The following M1AP variants were observed in gnomAD, a reference collection of about 807,000 sequenced individuals.
M1AP encodes meiosis 1 arrest protein.
In M1AP, 39 loss-of-function variants were observed where a neutral mutation model predicts 51.2. The ratio of observed to expected loss-of-function variants is 0.76; its 90% CI spans 0.59 to 1.00. The LOEUF (loss-of-function observed/expected upper bound fraction) is 1.00, where lower values mean the gene tolerates loss of function less well. Ranked by LOEUF, M1AP falls within the 50% of genes least tolerant of loss-of-function variation. The pLI is 0.00. For missense variants in M1AP, 545 were observed against 641.2 expected (o/e 0.85, Z 1.62); for synonymous variants, 251 against 249.2 (o/e 1.01, Z -0.07).
chr2:74,565,423 A>C (rs1678311098), intron 7 of M1AP, among the ~76,000 whole-genome samples: 1 of 152,214 alleles, frequency 6.6e-6, no homozygotes, highest in Admixed American at 6.5e-5. Flanking sequence ...TACTGCAACA[A>C]AGTAGGATTT....
intron 7 of M1AP, among the ~76,000 whole-genome samples, chr2:74,567,578 A>G (rs1363751061): frequency 1.3e-5 from 2 of 152,252 alleles, no homozygotes. Context: ...GGGATAAAAT[A>G]AGTTAGTAGC....
chr2:74,647,845 G>C (rs968147483), intron 1 of M1AP: 5 of 194,120 alleles, frequency 2.6e-5, no homozygotes, highest in Non-Finnish European at 4.7e-5. Flanking sequence ...AGTGAGCCGA[G>C]ATCACGCCAT....
intron 2 of M1AP, among the ~76,000 whole-genome samples, chr2:74,622,669 A>G (rs1350814665): frequency 6.6e-6 from 1 of 150,880 alleles, no homozygotes; most frequent in African/African-American, 2.4e-5. Flanking sequence ...AGGAAGAGAG[A>G]GGGTAACTGA....
At chr2:74,614,524 ATT>A (rs1681551560) in intron 3 of M1AP, among the ~76,000 whole-genome samples, 1 of 152,206 alleles carries the variant, frequency 6.6e-6, no homozygotes, top group East Asian at 1.9e-4. Context: ...GCACTCTTGT[ATT>A]TGCACACTTG....
At chr2:74,592,993 C>G (rs1294988826) in intron 4 of M1AP, among the ~76,000 whole-genome samples, 1 of 152,144 alleles carries the variant, frequency 6.6e-6, no homozygotes, top group Non-Finnish European at 1.5e-5. Context: ...ACTGTACTAA[C>G]TAATGCTCTA....
intron 4 of M1AP, among the ~76,000 whole-genome samples, chr2:74,597,103 T>C (rs1396633854): frequency 1.3e-5 from 2 of 152,260 alleles, no homozygotes; most frequent in South Asian, 2.1e-4. Flanking sequence ...ACTTATGGTA[T>C]GTAAATTATT....
chr2:74,643,470 T>C (rs1683428187), intron 1 of M1AP, among the ~76,000 whole-genome samples: 1 of 151,632 alleles, frequency 6.6e-6, no homozygotes, highest in African/African-American at 2.4e-5. Flanking sequence ...GATAAAATTA[T>C]AAAGAAAAGC....
chr2:74,565,900 T>C (rs575204067), intron 7 of M1AP, among the ~76,000 whole-genome samples: 4 of 148,172 alleles, frequency 2.7e-5, no homozygotes, highest in African/African-American at 5.0e-5. Context: ...CCTTACATAA[T>C]AAAAATGCTC....
chr2:74,623,496 C>CT (rs1023887180), intron 2 of M1AP, among the ~76,000 whole-genome samples: 8 of 148,582 alleles, frequency 5.4e-5, no homozygotes, highest in African/African-American at 1.7e-4. Flanking sequence ...GAGCCAGACT[C>CT]TGTCTATAAA....
chr2:74,607,292 C>A, intron 3 of M1AP, 69 bp from the exon 4 acceptor site: 1 of 1,487,350 alleles, frequency 6.7e-7, no homozygotes, highest in East Asian at 2.3e-5. Context: ...ATAACAGTTC[C>A]TACCCGGAGG....
intron 7 of M1AP, among the ~76,000 whole-genome samples, chr2:74,568,128 A>T (rs1678503054): frequency 6.6e-6 from 1 of 152,338 alleles, no homozygotes; most frequent in South Asian, 2.1e-4. Context: ...AGCAATACCC[A>T]CACTTGTAAG....
rs771044914 is a variant in M1AP at position 74,562,386 on chromosome 2, G to A, written c.1112C>T (p.Pro371Leu). The part of the protein sequence containing the change: ...EWLLLAKGEP[P>L]GPGHSQRIPA... ...AATTCTCTGGCTGTGTCCTGGGCCC[G>A]GTGGTTCCCCCTTGGCTAACAGCAG... Residue 371 changes from proline to leucine, a missense_variant, in exon 8 of 11, where the codon CCG (proline) becomes CTG (leucine). Physicochemically the swap from Pro to Leu is moderately conservative, Grantham distance 98 (BLOSUM62 -3). Transcript: ENST00000421985. 5.6e-6 allele frequency: 9 copies of A among 1,614,098 alleles called. No homozygotes were observed. In the African/African-American group the frequency reaches 6.7e-5, roughly 12 times the overall value.
chr2:74,647,227 T>C (rs1683662546), intron 1 of M1AP: 1 of 985,124 alleles, frequency 1.0e-6, no homozygotes, highest in African/African-American at 1.7e-5. Context: ...TGCCCAACTC[T>C]CCATCCTCAC....
chr2:74,638,708 C>T (rs1683124271), intron 2 of M1AP, among the ~76,000 whole-genome samples: 1 of 152,208 alleles, frequency 6.6e-6, no homozygotes, highest in African/African-American at 2.4e-5. Flanking sequence ...CGCCATCTTG[C>T]AACTGGATCC....
chr2:74,578,878 C>T (rs140926408), intron 5 of M1AP, among the ~76,000 whole-genome samples: 1 of 152,212 alleles, frequency 6.6e-6, no homozygotes, highest in East Asian at 1.9e-4. Flanking sequence ...TGTAGTGAGC[C>T]ATACTCCAGA....
intron 4 of M1AP, among the ~76,000 whole-genome samples, chr2:74,597,149 T>A (rs1252472645): frequency 3.9e-5 from 6 of 152,220 alleles, no homozygotes; most frequent in Admixed American, 6.5e-5. Flanking sequence ...ATTTTTTAAA[T>A]TTCAATTTTT....
chr2:74,619,987 T>C (rs1381398986), intron 2 of M1AP, among the ~76,000 whole-genome samples: 1 of 152,242 alleles, frequency 6.6e-6, no homozygotes, highest in Non-Finnish European at 1.5e-5. Context: ...TATTTTACTA[T>C]ATTTCTAGAG....
intron 1 of M1AP, among the ~76,000 whole-genome samples, chr2:74,644,956 A>G (rs1364148744): frequency 6.6e-6 from 1 of 152,186 alleles, no homozygotes; most frequent in African/African-American, 2.4e-5. Context: ...ACGCCATTTT[A>G]AAGTAGAGGC....
rs769416123 is a variant in M1AP at position 74,571,715 on chromosome 2, G to A, written c.1074+3723C>T. On this transcript the variant is annotated intron_variant, in intron 7 of 10. Coordinates refer to ENST00000421985, the MANE Select transcript of M1AP (RefSeq NM_001321739.2). The stretch of plus-strand genomic sequence containing the variant: ...AAGAGGCATTTAAACACTGTTTTGC[G>A]GCCAGGCACGGTGGCTCACACCTGT... 2.4e-4 allele frequency among the ~76,000 whole-genome samples: 37 copies of A among 152,232 alleles called. 2 individuals are homozygous for A. The highest frequency in any genetic ancestry group is 1.0e-3 in the South Asian group (5 of 4,814).
Sources: gnomAD v4.1 joint callset for allele counts (sites outside exome capture counted in the v4.1 genomes callset) on GRCh38, gnomAD v4.1.1 for gene constraint, MANE v1.5 for transcripts, NCBI Gene and HGNC (gene_info 2026-07-23, HGNC 2026-07-21) for gene names.